CHL1: variants seen among roughly 807,000 people sequenced by gnomAD.
CHL1 encodes cell adhesion molecule L1 like.
CHL1 carries 96 observed loss-of-function variants against 141.9 expected under a neutral mutation model. The observed-to-expected ratio is 0.68, with a 90% confidence interval of 0.57 to 0.80. CHL1 has a LOEUF of 0.80. Among genes scored for constraint, CHL1 ranks in the 30% least tolerant of loss-of-function variants. The pLI is 0.00. For synonymous variants in CHL1, 613 were observed against 502.2 expected (o/e 1.22, Z -2.95); for missense variants, 1,820 against 1,457.2 (o/e 1.25, Z -4.05).
chr3:367,538 C>G (rs12637802), intron 15 of CHL1, among the ~76,000 whole-genome samples: 24,914 of 152,210 alleles, frequency 0.16, 2,801 homozygotes, highest in East Asian at 0.5. Context: ...ATACCAAGTA[C>G]TTAGAAAACA....
At chr3:302,429 A>T (rs1290045143) in intron 2 of CHL1, among the ~76,000 whole-genome samples, 1 of 152,190 alleles carries the variant, frequency 6.6e-6, no homozygotes, top group Non-Finnish European at 1.5e-5. Flanking sequence ...CTTTTTAAAG[A>T]TGGCAATTCT....
rs1446299297 is a variant in CHL1, at chr3:349,393, G to T, written c.883G>T (p.Gly295Cys). The change falls in exon 10 of 28, where the codon GGT becomes TGT. Residue 295 changes from glycine (G) to cysteine (C), a missense_variant. Physicochemically the swap from Gly to Cys is radical, Grantham distance 159. Transcript: ENST00000256509. ...ACAGGTTGATTGGAACAAAATTGGT[G>T]GTGACTTACCAAAGGGGAGAGAAAC... ...TPQVDWNKIG[G>C]DLPKGRETKE... 6.2e-7 allele frequency: 1 copy of T among 1,613,794 alleles called. No homozygotes were observed. The highest frequency in any genetic ancestry group is 1.7e-5 in the Admixed American group (1 of 59,982).
chr3:332,600 C>T (rs1174637824), intron 5 of CHL1, among the ~76,000 whole-genome samples: 1 of 152,112 alleles, frequency 6.6e-6, no homozygotes, highest in East Asian at 1.9e-4. Context: ...TCCCGTTTGT[C>T]TCAAGTGGAC....
chr3:390,611 C>T, intron 20 of CHL1, 90 bp from the exon 21 acceptor site: 1 of 739,930 alleles, frequency 1.4e-6, no homozygotes, highest in South Asian at 1.7e-5. Context: ...GTGCTTTCTC[C>T]AGAAGAAACA....
At chr3:393,353 T>C (rs1328076924) in intron 23 of CHL1, among the ~76,000 whole-genome samples, 1 of 151,840 alleles carries the variant, frequency 6.6e-6, no homozygotes, top group Non-Finnish European at 1.5e-5. Context: ...ACTGCAGAAA[T>C]ATTTTAAGAT....
At chr3:214,348 A>G (rs966899031) in intron 1 of CHL1, among the ~76,000 whole-genome samples, 20 of 152,304 alleles carry the variant, frequency 1.3e-4, no homozygotes, top group African/African-American at 4.6e-4. Context: ...ATGTGAAACA[A>G]AAAAAGAGAA....
chr3:222,955 C>A (rs958267517), intron 1 of CHL1, among the ~76,000 whole-genome samples: 1 of 152,026 alleles, frequency 6.6e-6, no homozygotes, highest in Non-Finnish European at 1.5e-5. Context: ...TGGGCTCTGT[C>A]CTCAAAACAT....
chr3:322,207 G>C (rs1239093711), intron 3 of CHL1, among the ~76,000 whole-genome samples: 3 of 151,926 alleles, frequency 2.0e-5, no homozygotes, highest in Non-Finnish European at 4.4e-5. Flanking sequence ...TTGCATGTTG[G>C]TTTATGAATA....
At chr3:362,987 G>A (rs547174566) in intron 13 of CHL1, among the ~76,000 whole-genome samples, 16 of 152,176 alleles carry the variant, frequency 1.1e-4, no homozygotes, top group Non-Finnish European at 2.2e-4. Context: ...GACAAATACA[G>A]CAGAAGCACT....
chr3:332,860 G>A (rs1408957950), intron 5 of CHL1, among the ~76,000 whole-genome samples: 1 of 152,108 alleles, frequency 6.6e-6, no homozygotes, highest in African/African-American at 2.4e-5. Context: ...AAGTCATGAG[G>A]ATGATTCCTA....
At chr3:379,144 G>A (rs942758999) in intron 16 of CHL1, among the ~76,000 whole-genome samples, 1 of 152,120 alleles carries the variant, frequency 6.6e-6, no homozygotes, top group Non-Finnish European at 1.5e-5. Flanking sequence ...AAACAAGGGA[G>A]GTGGTGGTAC....
intron 1 of CHL1, chr3:197,671 T>C (rs1575582554): frequency 2.6e-6 from 1 of 390,688 alleles, no homozygotes; most frequent in Non-Finnish European, 5.1e-6. Context: ...GAGCGGGGAA[T>C]CCATGGACCG....
chr3:361,875 T>TC, intron 13 of CHL1, 65 bp downstream of exon 13: 1 of 1,114,236 alleles, frequency 9.0e-7, no homozygotes, highest in South Asian at 1.2e-5. Context: ...TGTTTCTTCA[T>TC]CCGTCATTTG....
At chr3:358,076 A>G (rs548336272) in intron 11 of CHL1, among the ~76,000 whole-genome samples, 3 of 152,210 alleles carry the variant, frequency 2.0e-5, no homozygotes, top group African/African-American at 4.8e-5. Flanking sequence ...TGCTGTAACA[A>G]ATTAAATTAC....
At chr3:342,855 T>C (rs189100510) in intron 7 of CHL1, 129 bp from the exon 8 acceptor site, 192 of 608,682 alleles carry the variant, frequency 3.2e-4, no homozygotes, top group African/African-American at 2.9e-3. Flanking sequence ...CCAAAGGCAA[T>C]GTTCTAGTGA....
At chr3:228,803 T>C (rs1384654226) in intron 1 of CHL1, among the ~76,000 whole-genome samples, 1 of 152,208 alleles carries the variant, frequency 6.6e-6, no homozygotes, top group Non-Finnish European at 1.5e-5. Context: ...TGGCATATTT[T>C]AAACTCAAAA....
chr3:212,656 TC>T (rs1332228017), intron 1 of CHL1, among the ~76,000 whole-genome samples: 1 of 152,222 alleles, frequency 6.6e-6, no homozygotes, highest in Admixed American at 6.5e-5. Context: ...CAAGTAACTG[TC>T]ACATTTCGTT....
At chr3:353,156 C>A (rs1014755910) in intron 10 of CHL1, among the ~76,000 whole-genome samples, 5 of 152,046 alleles carry the variant, frequency 3.3e-5, no homozygotes, top group African/African-American at 9.7e-5. Flanking sequence ...TAGTAAATAT[C>A]CTAATGGCAA....
At chr3:238,753 C>T (rs1176561202) in intron 1 of CHL1, among the ~76,000 whole-genome samples, 7 of 134,800 alleles carry the variant, frequency 5.2e-5, no homozygotes, top group African/African-American at 1.6e-4. Flanking sequence ...GGTGAAACCC[C>T]GTCTCTACTA....
Sources: gnomAD v4.1 joint callset for allele counts (sites outside exome capture counted in the v4.1 genomes callset) on GRCh38, gnomAD v4.1.1 for gene constraint, MANE v1.5 for transcripts, NCBI Gene and HGNC (gene_info 2026-07-23, HGNC 2026-07-21) for gene names.